Variants in MACROD2 observed in about 807,000 individuals in gnomAD.
The protein encoded by MACROD2 is mono-ADP ribosylhydrolase 2, also known as ADP-ribose glycohydrolase MACROD2.
MACROD2 carries 36 observed loss-of-function variants against 70.4 expected under a neutral mutation model. The ratio of observed to expected loss-of-function variants is 0.51; its 90% confidence interval spans 0.39 to 0.68. The LOEUF is 0.68. Ranked by LOEUF, MACROD2 falls within the 30% of genes least tolerant of loss-of-function variation. MACROD2 has a pLI of 0.00. For missense variants in MACROD2, 496 were observed against 538.4 expected, an observed-to-expected ratio of 0.92 and a Z score of 0.78; for synonymous variants, 172 against 178.8, an observed-to-expected ratio of 0.96 and a Z score of 0.30.
At chr20:14,589,896 T>C (rs1981647027) in intron 4 of MACROD2, among the ~76,000 whole-genome samples, 1 of 152,188 alleles carries the variant, frequency 6.6e-6, no homozygotes, top group East Asian at 1.9e-4. Context: ...CGTTCTCATA[T>C]ACAAAGGTGA....
intron 5 of MACROD2, among the ~76,000 whole-genome samples, chr20:14,824,085 C>T (rs1457245306): frequency 2.0e-5 from 3 of 151,946 alleles, no homozygotes; most frequent in Non-Finnish European, 4.4e-5. Context: ...TATGAAAATT[C>T]CAAAATTTAT....
chr20:15,714,121 C>A (rs925198588), intron 8 of MACROD2, among the ~76,000 whole-genome samples: 1 of 151,990 alleles, frequency 6.6e-6, no homozygotes, highest in Non-Finnish European at 1.5e-5. Flanking sequence ...TTTAACTATG[C>A]ACATTAAAAA....
chr20:15,768,558 A>G (rs1421752088), intron 8 of MACROD2, among the ~76,000 whole-genome samples: 1 of 152,220 alleles, frequency 6.6e-6, no homozygotes, highest in Non-Finnish European at 1.5e-5. Context: ...ATTACCGCAC[A>G]CTGCTGTAGA....
chr20:15,076,347 T>C lies in MACROD2; in HGVS notation c.419-153593T>C, dbSNP rs533097726. On this transcript the variant is annotated intron_variant, in intron 5 of 17. Transcript: ENST00000684519. ...TTATTAACACTGGTATAAATATCTT[T>C]ATAATAAAACATTGTCTGAATCTCT... Among the ~76,000 whole-genome samples the C allele has an allele frequency of 5.3e-5, 8 of 152,312 alleles. 1 individual carries two copies. The South Asian group carries it at 1.7e-3, about 32-fold the overall frequency.
chr20:14,973,696 A>T (rs1164039525), intron 5 of MACROD2, among the ~76,000 whole-genome samples: 1 of 152,154 alleles, frequency 6.6e-6, no homozygotes, highest in Non-Finnish European at 1.5e-5. Context: ...ACTATGAAGG[A>T]AGGACAGAAA....
At chr20:15,316,394 G>T (rs2077811479) in intron 6 of MACROD2, among the ~76,000 whole-genome samples, 1 of 151,942 alleles carries the variant, frequency 6.6e-6, no homozygotes, top group African/African-American at 2.4e-5. Context: ...AGCCAGGGTG[G>T]CTCTACTAAT....
At chr20:15,111,907 G>A (rs2075958419) in intron 5 of MACROD2, among the ~76,000 whole-genome samples, 1 of 152,174 alleles carries the variant, frequency 6.6e-6, no homozygotes. Context: ...CTCAGCCCCT[G>A]CCTAATGCAA....
At chr20:15,183,098 C>CATGGA (rs2076511412) in intron 5 of MACROD2, among the ~76,000 whole-genome samples, 1 of 152,172 alleles carries the variant, frequency 6.6e-6, no homozygotes, top group Non-Finnish European at 1.5e-5. Context: ...TATTAGCCCA[C>CATGGA]ATGGAATGGT....
At chr20:15,349,125 A>G (rs1217102464) in intron 6 of MACROD2, among the ~76,000 whole-genome samples, 2 of 152,090 alleles carry the variant, frequency 1.3e-5, no homozygotes, top group South Asian at 2.1e-4. Context: ...TGGCCTTCAT[A>G]TTGCTTTCAG....
chr20:15,184,735 T>C (rs2076523378), intron 5 of MACROD2, among the ~76,000 whole-genome samples: 2 of 152,158 alleles, frequency 1.3e-5, no homozygotes, highest in Admixed American at 6.5e-5. Flanking sequence ...TCTTCCCAGT[T>C]CCCCAGGAGG....
intron 15 of MACROD2, among the ~76,000 whole-genome samples, chr20:16,032,754 G>GAGAGAAGA (rs1601353562): frequency 1.1e-5 from 1 of 89,418 alleles, no homozygotes; most frequent in Non-Finnish European, 2.6e-5. Flanking sequence ...AGAAAGGGAG[G>GAGAGAAGA]AGGGAAGAGA....
chr20:15,627,636 G>C (rs543488093), intron 8 of MACROD2, among the ~76,000 whole-genome samples: 2 of 152,090 alleles, frequency 1.3e-5, no homozygotes, highest in Non-Finnish European at 2.9e-5. Context: ...CAAGAGCAAG[G>C]TTGGTGGGGG....
At chr20:14,419,799 T>C (rs895191086) in intron 3 of MACROD2, among the ~76,000 whole-genome samples, 7 of 152,154 alleles carry the variant, frequency 4.6e-5, no homozygotes, top group African/African-American at 1.4e-4. Flanking sequence ...TGGAATTACA[T>C]TGATCATTTC....
intron 8 of MACROD2, among the ~76,000 whole-genome samples, chr20:15,773,162 T>G (rs2051665685): frequency 6.6e-6 from 1 of 152,152 alleles, no homozygotes; most frequent in South Asian, 2.1e-4. Context: ...TCTTTGAACC[T>G]CATTTCCGTC....
At chr20:14,000,642 TAC>T (rs2052722148) in intron 1 of MACROD2, among the ~76,000 whole-genome samples, 1 of 152,122 alleles carries the variant, frequency 6.6e-6, no homozygotes, top group Non-Finnish European at 1.5e-5. Flanking sequence ...AAAGCTGACA[TAC>T]AGAGTGAAGA....
chr20:14,926,469 G>T (rs1243750195), intron 5 of MACROD2, among the ~76,000 whole-genome samples: 1 of 151,682 alleles, frequency 6.6e-6, no homozygotes, highest in Non-Finnish European at 1.5e-5. Flanking sequence ...AGAATCACTT[G>T]AACCCTGGAG....
rs10523169 is a variant in MACROD2 at position 15,454,406 on chromosome 20, A to AACACAC, written c.571+23014_571+23019dup. Among the ~76,000 whole-genome samples the AACACAC allele has an allele frequency of 1.0e-2, 1,372 of 137,488 alleles. 32 individuals are homozygous for AACACAC. Among genetic ancestry groups the AACACAC allele is most frequent in the African/African-American group, 0.035 (1,209 of 35,010 alleles). 90.2% of individuals were successfully genotyped at this position (137,488 alleles called of 152,430 possible). A position where few individuals can be genotyped will look rare whatever the true frequency, so the allele number is the denominator to read the frequency against. ...ATATCCCTCTCATTTGACATATTCA[A>AACACAC]ACACACACACACACACACACACACA... On this transcript the variant is annotated intron_variant, in intron 7 of 17. Coordinates refer to ENST00000684519, the MANE Select transcript of MACROD2 (RefSeq NM_001351661.2).
intron 4 of MACROD2, among the ~76,000 whole-genome samples, chr20:14,676,452 G>C (rs1014104320): frequency 6.6e-6 from 1 of 152,178 alleles, no homozygotes; most frequent in Non-Finnish European, 1.5e-5. Context: ...TGAACAAGCT[G>C]TTCCTGAATG....
In MACROD2 at chr20:15,542,893, A is replaced by G. The variant is rs1266831820; in HGVS notation, c.645+43046A>G. Among the ~76,000 whole-genome samples, 3 of 152,302 alleles carry G rather than the reference A, an allele frequency of 2.0e-5. No individual in the cohort carries two copies. The East Asian group carries it at 5.8e-4, about 29-fold the overall frequency. ...TGACATCCTTGTCCACGTCCTACGC[A>G]GCACAACTTGTCAAACCAGAGCAGA... On this transcript the variant is annotated intron_variant, in intron 8 of 17. Coordinates refer to ENST00000684519, the MANE Select transcript of MACROD2 (RefSeq NM_001351661.2).
Sources: allele counts gnomAD v4.1 joint callset (sites outside exome capture counted in the v4.1 genomes callset), GRCh38; gene constraint gnomAD v4.1.1; transcripts MANE v1.5; gene names NCBI Gene and HGNC (gene_info 2026-07-23, HGNC 2026-07-21).